ABCD3: variants seen among roughly 807,000 people sequenced by gnomAD.
The protein encoded by ABCD3 is ATP-binding cassette sub-family D member 3.
Under a neutral mutation model 105.5 loss-of-function variants are expected in ABCD3, and 41 were observed. The observed-to-expected ratio is 0.39, with a 90% CI of 0.30 to 0.50. ABCD3 has a LOEUF of 0.50. Ranked by LOEUF, ABCD3 falls within the 20% of genes least tolerant of loss-of-function variation. ABCD3 has a pLI of 0.84. For missense variants in ABCD3, 622 were observed against 806.3 expected (o/e 0.77, Z 2.77); for synonymous variants, 258 against 269.0 (o/e 0.96, Z 0.40).
chr1:94,443,624 C>T (rs764078934), intron 1 of ABCD3, among the ~76,000 whole-genome samples: 6 of 152,098 alleles, frequency 3.9e-5, no homozygotes, highest in Non-Finnish European at 7.4e-5. Flanking sequence ...TTAGGTCTTA[C>T]GATAAGGTCA....
intron 1 of ABCD3, among the ~76,000 whole-genome samples, chr1:94,445,276 C>G (rs754286629): frequency 3.3e-5 from 5 of 152,166 alleles, no homozygotes; most frequent in Non-Finnish European, 5.9e-5. Context: ...GTTAAGGTCT[C>G]CACGACCAAG....
chr1:94,503,390 C>A (rs563941439), intron 20 of ABCD3, among the ~76,000 whole-genome samples: 1 of 152,220 alleles, frequency 6.6e-6, no homozygotes, highest in South Asian at 2.1e-4. Context: ...TCCCTACTTC[C>A]GCTGTCTTGG....
chr1:94,406,472 G>T, the ABCD3 span: 2 of 424,802 alleles, frequency 4.7e-6, no homozygotes, highest in South Asian at 2.0e-5. Flanking sequence ...GTGCTTCTCT[G>T]GGTGGAACAG....
chr1:94,472,081 A>T (rs1648483812), intron 4 of ABCD3: 1 of 313,428 alleles, frequency 3.2e-6, no homozygotes, highest in Non-Finnish European at 4.6e-6. Flanking sequence ...AAAAATTACC[A>T]AACTCTCTTT....
intron 1 of ABCD3, among the ~76,000 whole-genome samples, chr1:94,429,921 G>T (rs1016127992): frequency 1.3e-5 from 2 of 152,198 alleles, no homozygotes; most frequent in African/African-American, 4.8e-5. Context: ...AGCTTGCACT[G>T]TGCGCCTGGA....
intron 3 of ABCD3, among the ~76,000 whole-genome samples, chr1:94,465,777 C>G (rs1648104857): frequency 6.6e-6 from 1 of 152,154 alleles, no homozygotes; most frequent in Admixed American, 6.5e-5. Flanking sequence ...TCAAGATTAT[C>G]TTCATTATTT....
chr1:94,459,565 T>G (rs1345841591), intron 2 of ABCD3, among the ~76,000 whole-genome samples: 6 of 152,226 alleles, frequency 3.9e-5, no homozygotes, highest in Admixed American at 2.6e-4. Flanking sequence ...AAACTTCAGG[T>G]GTATTTTTGA....
At chr1:94,478,595 A>T (rs1648882549) in intron 8 of ABCD3, 2 of 1,444,378 alleles carry the variant, frequency 1.4e-6, no homozygotes, top group Non-Finnish European at 1.9e-6. Context: ...TCATGCCTGT[A>T]ATCCCAGCAC....
intron 1 of ABCD3, among the ~76,000 whole-genome samples, chr1:94,439,047 A>G (rs568771231): frequency 6.6e-6 from 1 of 152,286 alleles, no homozygotes; most frequent in African/African-American, 2.4e-5. Context: ...CACTGGCTTT[A>G]TAGTCATTCT....
At chr1:94,406,725 G>T in the ABCD3 span, 1 of 155,652 alleles carries the variant, frequency 6.4e-6, no homozygotes, top group Non-Finnish European at 1.4e-5. Flanking sequence ...CACTTGTGCC[G>T]TGTTCCTTTT....
intron 1 of ABCD3, among the ~76,000 whole-genome samples, chr1:94,447,180 G>A (rs1660382984): frequency 6.6e-6 from 1 of 152,182 alleles, no homozygotes; most frequent in Admixed American, 6.6e-5. Context: ...TAAGTAAAGA[G>A]AAACTGGAGG....
At chr1:94,490,443 A>G (rs1367296975) in intron 15 of ABCD3, among the ~76,000 whole-genome samples, 3 of 151,882 alleles carry the variant, frequency 2.0e-5, no homozygotes, top group South Asian at 4.2e-4. Context: ...CTCTACTTCT[A>G]TGAGTTTGAC....
At chr1:94,498,466 A>G (rs1433684512) in intron 16 of ABCD3, 136 bp from the exon 17 acceptor site, 2 of 876,752 alleles carry the variant, frequency 2.3e-6, no homozygotes, top group Non-Finnish European at 3.7e-6. Flanking sequence ...TGCTCTACCT[A>G]ATGCTACATT....
intron 1 of ABCD3, among the ~76,000 whole-genome samples, chr1:94,450,931 A>G (rs1189985243): frequency 6.6e-6 from 1 of 152,232 alleles, no homozygotes; most frequent in East Asian, 1.9e-4. Flanking sequence ...TAGTAAAAAT[A>G]CTTTAGAATA....
At chr1:94,484,110 G>A (rs1649165220) in intron 10 of ABCD3, among the ~76,000 whole-genome samples, 1 of 152,224 alleles carries the variant, frequency 6.6e-6, no homozygotes, top group Non-Finnish European at 1.5e-5. Context: ...ACACCAGTTA[G>A]AATGGCGATC....
chr1:94,447,300 G>A (rs1660390679), intron 1 of ABCD3, among the ~76,000 whole-genome samples: 1 of 152,154 alleles, frequency 6.6e-6, no homozygotes, highest in Admixed American at 6.5e-5. Context: ...AATAGAGAAT[G>A]TTAACTGATT....
chr1:94,468,280 A>C (rs1322420965), intron 4 of ABCD3, among the ~76,000 whole-genome samples: 1 of 152,238 alleles, frequency 6.6e-6, no homozygotes, highest in African/African-American at 2.4e-5. Flanking sequence ...AGACAGGTAG[A>C]CAGAAAATTA....
upstream of ABCD3, among the ~76,000 whole-genome samples, chr1:94,413,785 C>T (rs1237864231): frequency 6.6e-6 from 1 of 151,974 alleles, no homozygotes; most frequent in Non-Finnish European, 1.5e-5. Flanking sequence ...TGGCAGGTCT[C>T]TAAAAAAAAT....
intron 20 of ABCD3, among the ~76,000 whole-genome samples, chr1:94,502,297 G>A (rs372031611): frequency 4.6e-4 from 70 of 152,164 alleles, no homozygotes; most frequent in South Asian, 1.7e-3. Flanking sequence ...TTTCTACCCC[G>A]TTACTTAACC....
Sources: allele counts gnomAD v4.1 joint callset (sites outside exome capture counted in the v4.1 genomes callset), GRCh38; gene constraint gnomAD v4.1.1; transcripts MANE v1.5; gene names NCBI Gene and HGNC (gene_info 2026-07-23, HGNC 2026-07-21).